CEMIP: variants seen among roughly 807,000 people sequenced by gnomAD.
CEMIP encodes the protein cell migration-inducing and hyaluronan-binding protein.
Under a neutral mutation model 156.9 loss-of-function variants are expected in CEMIP, and 105 were observed. The ratio of observed to expected loss-of-function variants is 0.67; its 90% confidence interval spans 0.57 to 0.79. The LOEUF is 0.79. Ranked by LOEUF, CEMIP falls within the 30% of genes least tolerant of loss-of-function variation. The pLI, the probability that CEMIP is intolerant of heterozygous loss-of-function variation, is 0.00. For missense variants in CEMIP, 1,457 were observed against 1,769.4 expected (o/e 0.82, Z 3.17); for synonymous variants, 676 against 668.4 (o/e 1.01, Z -0.17).
At chr15:80,921,216 T>G in intron 16 of CEMIP, 115 bp downstream of exon 16, 1 of 950,898 alleles carries the variant, frequency 1.1e-6, no homozygotes, top group Non-Finnish European at 1.6e-6. Flanking sequence ...CAGATATCCA[T>G]GCAGACGGGC....
intron 1 of CEMIP, among the ~76,000 whole-genome samples, chr15:80,780,537 A>G (rs1239937476): frequency 6.6e-6 from 1 of 152,206 alleles, no homozygotes; most frequent in East Asian, 1.9e-4. Flanking sequence ...CGGCAGTCCC[A>G]GGAGTTCCGC....
At chr15:80,872,986 G>T (rs1377969508) in intron 1 of CEMIP, among the ~76,000 whole-genome samples, 1 of 152,164 alleles carries the variant, frequency 6.6e-6, no homozygotes, top group African/African-American at 2.4e-5. Flanking sequence ...CAAGATAGCT[G>T]CTGAAAATCC....
intron 27 of CEMIP, among the ~76,000 whole-genome samples, chr15:80,942,735 T>G (rs1327598276): frequency 6.6e-6 from 1 of 152,246 alleles, no homozygotes. Context: ...TAAGCCCACT[T>G]TCACAGGTTC....
chr15:80,829,461 C>T (rs1481597316), intron 1 of CEMIP, among the ~76,000 whole-genome samples: 1 of 152,200 alleles, frequency 6.6e-6, no homozygotes, highest in African/African-American at 2.4e-5. Context: ...TTCCACAGAG[C>T]CTCTCCTTTT....
chr15:80,911,541 A>G (rs1900053207), intron 14 of CEMIP, among the ~76,000 whole-genome samples: 1 of 152,108 alleles, frequency 6.6e-6, no homozygotes. Flanking sequence ...ACACACACAC[A>G]CACACACACA....
chr15:80,907,913 T>A (rs115106784), intron 13 of CEMIP, among the ~76,000 whole-genome samples: 2,007 of 152,318 alleles, frequency 0.013, 45 homozygotes, highest in African/African-American at 0.046. Flanking sequence ...AGGATAAGAC[T>A]TTTTGGTAGT....
intron 1 of CEMIP, among the ~76,000 whole-genome samples, chr15:80,826,928 A>C (rs557759827): frequency 1.3e-5 from 2 of 152,260 alleles, no homozygotes; most frequent in African/African-American, 2.4e-5. Flanking sequence ...CCTCTTAATA[A>C]CTCAAAAACA....
chr15:80,829,273 T>A (rs945485062), intron 1 of CEMIP, among the ~76,000 whole-genome samples: 1 of 152,150 alleles, frequency 6.6e-6, no homozygotes. Context: ...TCCCTCCCAC[T>A]CCTTCCGTCT....
In CEMIP at chr15:80,825,235, AGT is replaced by A. The variant is rs113366050; in HGVS notation, c.-176+45639_-176+45640del. Among the ~76,000 whole-genome samples, 9 of 150,642 alleles carry A rather than the reference AGT, an allele frequency of 6.0e-5. No individual in the cohort carries two copies. The South Asian group carries it at 8.4e-4, about 14-fold the overall frequency. Reference sequence around the variant, plus strand: ...CCGGATGGGCATTGTACCACTATGAAGTGTGTGTGTGTGTGTGTGCATGTGTG... The same window carrying A: ...CCGGATGGGCATTGTACCACTATGAAGTGTGTGTGTGTGTGTGCATGTGTG... On this transcript the variant is annotated intron_variant, in intron 1 of 29. Transcript: ENST00000394685.
chr15:80,787,542 G>A (rs943591229), intron 1 of CEMIP, among the ~76,000 whole-genome samples: 26 of 152,306 alleles, frequency 1.7e-4, no homozygotes, highest in Non-Finnish European at 2.1e-4. Flanking sequence ...AGGCCTTTGC[G>A]TCAGCCCACA....
At chr15:80,889,893 C>T (rs1898977800) in intron 10 of CEMIP, among the ~76,000 whole-genome samples, 3 of 152,230 alleles carry the variant, frequency 2.0e-5, no homozygotes, top group Admixed American at 2.0e-4. Flanking sequence ...CCCAGCCTCA[C>T]TTCCCCGTCA....
chr15:80,815,332 C>A (rs542232610), intron 1 of CEMIP, among the ~76,000 whole-genome samples: 43 of 152,362 alleles, frequency 2.8e-4, no homozygotes, highest in Middle Eastern at 6.8e-3. Flanking sequence ...ATGAGCAACG[C>A]TCTGTCCCTA....
intron 1 of CEMIP, among the ~76,000 whole-genome samples, chr15:80,821,673 G>T (rs1464509168): frequency 6.6e-6 from 1 of 152,128 alleles, no homozygotes; most frequent in South Asian, 2.1e-4. Context: ...TGAGGTCTTT[G>T]GGGGAGAAAA....
At chr15:80,887,619 C>A in intron 7 of CEMIP, 75 bp from the exon 8 acceptor site, 1 of 1,164,490 alleles carries the variant, frequency 8.6e-7, no homozygotes, top group Non-Finnish European at 1.3e-6. Context: ...TCAACTCTGC[C>A]CCATCCCCCC....
chr15:80,856,092 C>G (rs1462935110), intron 1 of CEMIP, among the ~76,000 whole-genome samples: 4 of 152,226 alleles, frequency 2.6e-5, no homozygotes, highest in Non-Finnish European at 5.9e-5. Context: ...TCTGGTATTT[C>G]TCACTTAGAA....
chr15:80,875,937 G>T (rs1898459362), intron 3 of CEMIP, among the ~76,000 whole-genome samples: 1 of 152,198 alleles, frequency 6.6e-6, no homozygotes, highest in Non-Finnish European at 1.5e-5. Flanking sequence ...GGAGAGCTGG[G>T]ATGTGTGCTC....
At position 80,880,954 on chromosome 15, in the gene CEMIP, T is replaced by C. The variant is rs903408476; in HGVS notation, c.435T>C (p.Val145=). Residue 145 remains valine, a synonymous_variant, in exon 6 of 30, where the codon GTT becomes GTC. Coordinates refer to ENST00000394685, the MANE Select transcript of CEMIP (RefSeq NM_001293298.2). Reference sequence around the variant, plus strand: ...ACTATGGTCTGAAGTACATTGGGGTTGGTAAAGGAGGCGCTCTTGAGTTGC... The same window carrying C: ...ACTATGGTCTGAAGTACATTGGGGTCGGTAAAGGAGGCGCTCTTGAGTTGC... ...DPYYGLKYIG[V]GKGGALELHG... The C allele has an allele frequency of 1.9e-6, 3 of 1,614,210 alleles. No homozygotes were observed. The highest frequency in any genetic ancestry group is 2.5e-6 in the Non-Finnish European group (3 of 1,180,034).
chr15:80,817,815 T>C (rs1455392221), intron 1 of CEMIP, among the ~76,000 whole-genome samples: 2 of 151,970 alleles, frequency 1.3e-5, no homozygotes, highest in Non-Finnish European at 2.9e-5. Context: ...TTTCAGACAA[T>C]ATTTAATTTT....
Position 80,918,655 on chromosome 15 carries a change from C to G in CEMIP, c.1798-1439C>G, listed in dbSNP as rs553332483. 3.3e-5 allele frequency among the ~76,000 whole-genome samples: 5 copies of G among 152,276 alleles called. No individual in the cohort carries two copies. The East Asian group carries it at 7.7e-4, about 23-fold the overall frequency. On this transcript the variant is annotated intron_variant, in intron 14 of 29. Coordinates refer to ENST00000394685, the MANE Select transcript of CEMIP (RefSeq NM_001293298.2). ...CAGGAACTCCCTTGGTGGATGACATCATCGGGCAGTCTGTACCCAGGGGTG... is the reference window on the plus strand; with the variant it reads ...CAGGAACTCCCTTGGTGGATGACATGATCGGGCAGTCTGTACCCAGGGGTG...
Sources: gnomAD v4.1 joint callset for allele counts (sites outside exome capture counted in the v4.1 genomes callset) on GRCh38, gnomAD v4.1.1 for gene constraint, MANE v1.5 for transcripts, NCBI Gene and HGNC (gene_info 2026-07-23, HGNC 2026-07-21) for gene names.